EDA: variants seen among roughly 807,000 people sequenced by gnomAD.
EDA encodes the protein ectodysplasin-A.
Under a neutral mutation model 23.6 loss-of-function variants are expected in EDA, and 2 were observed. The observed-to-expected ratio is 0.08, with a 90% CI of 0.03 to 0.27. EDA has a LOEUF of 0.27. EDA is among the 10% of genes least tolerant of loss of function. The pLI is 1.00. For synonymous variants in EDA, 131 were observed against 132.0 expected (o/e 0.99, Z 0.05); for missense variants, 229 against 324.2 (o/e 0.71, Z 2.26).
intron 1 of EDA, among the ~76,000 whole-genome samples, chrX:69,941,122 G>A (rs1388210292): frequency 8.9e-6 from 1 of 111,732 alleles, no homozygotes; most frequent in Non-Finnish European, 1.9e-5. Context: ...TTCCATCATG[G>A]TCAGGGAAGA....
At chrX:69,722,617 A>G (rs2804342) in intron 1 of EDA, among the ~76,000 whole-genome samples, 37,328 of 110,858 alleles carry the variant, frequency 0.34, 5,238 homozygotes, top group Middle Eastern at 0.57. Flanking sequence ...TAAGGCTCAC[A>G]TCATTCTGAA....
chrX:69,853,274 A>G (rs2017173217), intron 1 of EDA, among the ~76,000 whole-genome samples: 1 of 112,325 alleles, frequency 8.9e-6, no homozygotes, highest in Non-Finnish European at 1.9e-5. Context: ...AATCATTAAA[A>G]TTAGAAATTC....
chrX:69,748,394 C>T (rs1458034473), intron 1 of EDA, among the ~76,000 whole-genome samples: 3 of 111,055 alleles, frequency 2.7e-5, no homozygotes, highest in African/African-American at 6.6e-5. Flanking sequence ...GTTCTGTTTC[C>T]GACTACTCAT....
At chrX:69,674,252 TAGA>T (rs1934005990) in intron 1 of EDA, among the ~76,000 whole-genome samples, 1 of 111,153 alleles carries the variant, frequency 9.0e-6, no homozygotes, top group African/African-American at 3.3e-5. Context: ...CTTATGAGGG[TAGA>T]AGGTCTGTCT....
At chrX:69,817,987 C>T (rs938320713) in intron 1 of EDA, among the ~76,000 whole-genome samples, 1 of 111,793 alleles carries the variant, frequency 8.9e-6, no homozygotes, top group African/African-American at 3.2e-5. Flanking sequence ...AAACACTCCT[C>T]AGCAAATGCA....
intron 1 of EDA, among the ~76,000 whole-genome samples, chrX:69,873,231 G>T (rs923110668): frequency 1.8e-4 from 20 of 111,491 alleles, no homozygotes; most frequent in African/African-American, 5.9e-4. Context: ...CAAAACCCCT[G>T]GGATAGATCA....
At chrX:70,030,371 A>C (rs2020181109) in intron 5 of EDA, 98 bp from the exon 6 acceptor site, 10 of 749,406 alleles carry the variant, frequency 1.3e-5, no homozygotes, top group Non-Finnish European at 1.6e-5. Flanking sequence ...ATTGGATTAC[A>C]ATAGAAGACT....
At chrX:69,842,626 G>C (rs1243897185) in intron 1 of EDA, among the ~76,000 whole-genome samples, 5 of 111,699 alleles carry the variant, frequency 4.5e-5, no homozygotes, top group Admixed American at 9.5e-5. Flanking sequence ...AAATACATAT[G>C]ATATGGCTTG....
At position 69,955,603 on chromosome X, in the gene EDA, A is replaced by G. The variant is rs1053998865; in HGVS notation, c.397-1424A>G. Reference sequence around the variant, plus strand: ...TTTTTGAACTGATAATAGAATGAAAATGCAGATTCATTTGTTCTATTTTAG... The same window carrying G: ...TTTTTGAACTGATAATAGAATGAAAGTGCAGATTCATTTGTTCTATTTTAG... On this transcript the variant is annotated intron_variant, in intron 1 of 7. Transcript: ENST00000374552. 2.7e-5 allele frequency among the ~76,000 whole-genome samples: 3 copies of G among 111,750 alleles called. No homozygotes were observed. The Admixed American group carries it at 2.9e-4, about 11-fold the overall frequency.
At chrX:69,743,386 G>C (rs191205787) in intron 1 of EDA, among the ~76,000 whole-genome samples, 1 of 111,983 alleles carries the variant, frequency 8.9e-6, no homozygotes, top group East Asian at 2.8e-4. Context: ...ACATTATATA[G>C]TAGTTGGTTT....
chrX:69,887,405 C>T (rs772672858), intron 1 of EDA, among the ~76,000 whole-genome samples: 32 of 111,410 alleles, frequency 2.9e-4, no homozygotes, highest in Non-Finnish European at 4.7e-4. Flanking sequence ...AACTAAATGG[C>T]GCTAAAGAAT....
chrX:69,840,917 A>G (rs1166587719), intron 1 of EDA, among the ~76,000 whole-genome samples: 1 of 111,742 alleles, frequency 8.9e-6, no homozygotes, highest in African/African-American at 3.3e-5. Flanking sequence ...CCTTAATCCC[A>G]TTCACAAAGG....
chrX:69,665,940 C>T (rs774666528), intron 1 of EDA, among the ~76,000 whole-genome samples: 18 of 111,238 alleles, frequency 1.6e-4, no homozygotes, highest in Non-Finnish European at 3.2e-4. Flanking sequence ...TTTTTCCAAT[C>T]GATGAGCATG....
intron 1 of EDA, among the ~76,000 whole-genome samples, chrX:69,704,344 G>T (rs1021096467): frequency 8.9e-6 from 1 of 111,923 alleles, no homozygotes; most frequent in Admixed American, 9.5e-5. Context: ...AGGTTGTGGA[G>T]ACCAAGATTT....
At chrX:69,926,777 T>C (rs772113218) in intron 1 of EDA, among the ~76,000 whole-genome samples, 1 of 111,706 alleles carries the variant, frequency 9.0e-6, no homozygotes, top group South Asian at 3.8e-4. Flanking sequence ...CCCACGATTA[T>C]TGTGTGGGAG....
intron 2 of EDA, among the ~76,000 whole-genome samples, chrX:70,021,143 C>G (rs1477000360): frequency 2.7e-5 from 3 of 112,115 alleles, no homozygotes; most frequent in Non-Finnish European, 5.6e-5. Context: ...CCTGAAGCCA[C>G]TCCCTCATCT....
intron 1 of EDA, among the ~76,000 whole-genome samples, chrX:69,837,455 C>A (rs940913212): frequency 8.9e-6 from 1 of 112,149 alleles, no homozygotes; most frequent in Admixed American, 9.4e-5. Flanking sequence ...GACTCATAAA[C>A]CAGTGTTAAA....
intron 1 of EDA, among the ~76,000 whole-genome samples, chrX:69,872,391 C>T (rs766544212): frequency 2.1e-4 from 24 of 111,711 alleles, no homozygotes; most frequent in Non-Finnish European, 3.0e-4. Flanking sequence ...AGAATAGTAC[C>T]TCACATCTCA....
At position 69,693,333 on chromosome X, in the gene EDA, T is replaced by C. The variant is rs180819871; in HGVS notation, c.396+76629T>C. Reference sequence around the variant, plus strand: ...CAGCTCTTCTTCACACAGGCCAAAATCAATCTGATCTCCAGAGAATGGTTT... The same window carrying C: ...CAGCTCTTCTTCACACAGGCCAAAACCAATCTGATCTCCAGAGAATGGTTT... On this transcript the variant is annotated intron_variant, in intron 1 of 7. Coordinates refer to ENST00000374552, the MANE Select transcript of EDA (RefSeq NM_001399.5). Among the ~76,000 whole-genome samples, 557 of 111,687 alleles carry C rather than the reference T, an allele frequency of 5.0e-3. 1 individual carries two copies. The highest frequency in any genetic ancestry group is 6.8e-3 in the Non-Finnish European group (359 of 53,063).
Sources: gnomAD v4.1 joint callset for allele counts (sites outside exome capture counted in the v4.1 genomes callset) on GRCh38, gnomAD v4.1.1 for gene constraint, MANE v1.5 for transcripts, NCBI Gene and HGNC (gene_info 2026-07-23, HGNC 2026-07-21) for gene names.